The following CACNA2D3 variants were observed in gnomAD, a reference collection of about 807,000 sequenced individuals.
CACNA2D3 encodes voltage-dependent calcium channel subunit alpha-2/delta-3.
A neutral mutation model predicts 160.6 loss-of-function variants in CACNA2D3; 60 were observed. The ratio of observed to expected loss-of-function variants is 0.37; its 90% CI spans 0.30 to 0.46. CACNA2D3 has a LOEUF of 0.46. Ranked by LOEUF, CACNA2D3 falls within the 20% of genes least tolerant of loss-of-function variation. The pLI, the probability that CACNA2D3 is intolerant of heterozygous loss-of-function variation, is 1.00. For synonymous variants in CACNA2D3, 558 were observed against 492.9 expected (o/e 1.13, Z -1.75); for missense variants, 1,205 against 1,365.0 (o/e 0.88, Z 1.85).
intron 5 of CACNA2D3, among the ~76,000 whole-genome samples, chr3:54,535,643 AT>A (rs1161697105): frequency 6.6e-6 from 1 of 152,236 alleles, no homozygotes; most frequent in Non-Finnish European, 1.5e-5. Flanking sequence ...AGAAAACAGA[AT>A]ATTGAGAACT....
At chr3:54,134,395 T>C (rs373312897) in intron 2 of CACNA2D3, among the ~76,000 whole-genome samples, 116 of 152,268 alleles carry the variant, frequency 7.6e-4, no homozygotes, top group African/African-American at 2.5e-3. Context: ...CAGAGCGATC[T>C]ATGGGGTGGG....
intron 3 of CACNA2D3, among the ~76,000 whole-genome samples, chr3:54,362,745 C>T (rs1387187138): frequency 6.6e-6 from 1 of 152,200 alleles, no homozygotes; most frequent in Non-Finnish European, 1.5e-5. Context: ...TGAGTGGGCA[C>T]AGCTGAACAG....
chr3:54,224,881 T>TA (rs543799620), intron 2 of CACNA2D3, among the ~76,000 whole-genome samples: 11 of 148,012 alleles, frequency 7.4e-5, no homozygotes, highest in African/African-American at 9.9e-5. Flanking sequence ...TAATGTCAGT[T>TA]AAAAAAAAAA....
chr3:54,718,077 C>T (rs1188964366), intron 11 of CACNA2D3, among the ~76,000 whole-genome samples: 1 of 152,096 alleles, frequency 6.6e-6, no homozygotes, highest in African/African-American at 2.4e-5. Flanking sequence ...TTTAAGAAAT[C>T]TCATGATATA....
chr3:55,051,421 G>A (rs544709755), intron 35 of CACNA2D3, among the ~76,000 whole-genome samples: 9 of 152,226 alleles, frequency 5.9e-5, no homozygotes, highest in Admixed American at 2.0e-4. Context: ...CTGCCCGGGC[G>A]TCAGGGGTCA....
chr3:54,148,040 G>A (rs780417053), intron 2 of CACNA2D3, among the ~76,000 whole-genome samples: 108 of 152,164 alleles, frequency 7.1e-4, no homozygotes, highest in Non-Finnish European at 2.1e-4. Flanking sequence ...CTTGTGATCC[G>A]TCCGCCTTGG....
chr3:54,829,367 G>A (rs146605283), intron 14 of CACNA2D3, among the ~76,000 whole-genome samples: 1,762 of 152,290 alleles, frequency 0.012, 38 homozygotes, highest in African/African-American at 0.04. Flanking sequence ...GATGATGGAA[G>A]TGGGTGGGAG....
chr3:54,615,432 T>C (rs1698829529), intron 9 of CACNA2D3, among the ~76,000 whole-genome samples: 1 of 152,174 alleles, frequency 6.6e-6, no homozygotes, highest in Non-Finnish European at 1.5e-5. Flanking sequence ...ATACAGTTAG[T>C]AAAATCTGGA....
intron 5 of CACNA2D3, among the ~76,000 whole-genome samples, chr3:54,554,870 CTTTTT>C (rs66526065): frequency 0.018 from 1,742 of 96,164 alleles, 45 homozygotes; most frequent in African/African-American, 0.067. Context: ...CTCTCACTCT[CTTTTT>C]TTTTTTTTTT....
chr3:55,037,322 G>C (rs3773545), intron 35 of CACNA2D3, among the ~76,000 whole-genome samples: 18,190 of 152,154 alleles, frequency 0.12, 1,445 homozygotes, highest in African/African-American at 0.22. Flanking sequence ...CTCAGAGAAA[G>C]ATGGTGAACC....
intron 4 of CACNA2D3, among the ~76,000 whole-genome samples, chr3:54,405,079 A>G (rs1293611672): frequency 6.7e-6 from 1 of 148,878 alleles, no homozygotes. Flanking sequence ...AAATGTCTAT[A>G]CTATACTATA....
At chr3:54,263,704 C>T (rs1257975655) in intron 2 of CACNA2D3, among the ~76,000 whole-genome samples, 2 of 152,110 alleles carry the variant, frequency 1.3e-5, no homozygotes, top group African/African-American at 2.4e-5. Flanking sequence ...ATGTTGTGCA[C>T]CTTTGGTGTG....
intron 2 of CACNA2D3, among the ~76,000 whole-genome samples, chr3:54,141,436 G>A (rs944321264): frequency 3.3e-5 from 5 of 152,082 alleles, no homozygotes; most frequent in Non-Finnish European, 5.9e-5. Flanking sequence ...TCATTTTCCC[G>A]AGGCAATGGT....
At chr3:54,462,536 T>C (rs913324639) in intron 4 of CACNA2D3, among the ~76,000 whole-genome samples, 8 of 152,186 alleles carry the variant, frequency 5.3e-5, no homozygotes, top group African/African-American at 1.9e-4. Context: ...GCAATGGCCT[T>C]CTTTGTCTCT....
At chr3:55,065,085 A>G (rs1185025795) in intron 35 of CACNA2D3, among the ~76,000 whole-genome samples, 1 of 152,190 alleles carries the variant, frequency 6.6e-6, no homozygotes, top group East Asian at 1.9e-4. Flanking sequence ...TATCCTAAGC[A>G]TGATGCTAAA....
intron 2 of CACNA2D3, among the ~76,000 whole-genome samples, chr3:54,299,637 C>T (rs912201054): frequency 2.6e-5 from 4 of 151,782 alleles, no homozygotes; most frequent in African/African-American, 4.9e-5. Context: ...CAAGAAAAGA[C>T]AGATAAATTC....
intron 11 of CACNA2D3, among the ~76,000 whole-genome samples, chr3:54,666,866 T>C (rs893771443): frequency 6.6e-6 from 1 of 152,254 alleles, no homozygotes; most frequent in Non-Finnish European, 1.5e-5. Flanking sequence ...TACTTTGTGC[T>C]ATCAAATTCC....
At chr3:54,411,651 CAAA>C (rs1389734668) in intron 4 of CACNA2D3, among the ~76,000 whole-genome samples, 2 of 151,984 alleles carry the variant, frequency 1.3e-5, no homozygotes, top group African/African-American at 4.8e-5. Context: ...TACTGAGAAA[CAAA>C]AAAATTCATG....
chr3:54,386,670 T>C (rs747009988), intron 3 of CACNA2D3, 45 bp from the exon 4 acceptor site: 3 of 1,521,808 alleles, frequency 2.0e-6, no homozygotes, highest in African/African-American at 2.8e-5. Flanking sequence ...CAGGCCACAA[T>C]TCTGATCCTT....
Sources: gnomAD v4.1 joint callset for allele counts (sites outside exome capture counted in the v4.1 genomes callset) on GRCh38, gnomAD v4.1.1 for gene constraint, MANE v1.5 for transcripts, NCBI Gene and HGNC (gene_info 2026-07-23, HGNC 2026-07-21) for gene names.